The following OPCML variants were observed in gnomAD, a reference collection of about 807,000 sequenced individuals.
OPCML encodes the protein opioid binding protein/cell adhesion molecule like.
A neutral mutation model predicts 37.8 loss-of-function variants in OPCML; 13 were observed. The observed-to-expected ratio is 0.34, with a 90% confidence interval of 0.22 to 0.55. The LOEUF is 0.55. OPCML is among the 20% of genes least tolerant of loss of function. OPCML has a pLI of 0.91. For synonymous variants in OPCML, 176 were observed against 168.8 expected (o/e 1.04, Z -0.33); for missense variants, 341 against 435.6 (o/e 0.78, Z 1.93).
At chr11:133,225,962 T>G (rs1843177636) in intron 1 of OPCML, among the ~76,000 whole-genome samples, 4 of 152,256 alleles carry the variant, frequency 2.6e-5, no homozygotes, top group African/African-American at 7.2e-5. Context: ...AACAGCCCTA[T>G]GAAGCACGTA....
intron 2 of OPCML, among the ~76,000 whole-genome samples, chr11:132,800,698 G>A (rs527314845): frequency 3.9e-4 from 59 of 152,240 alleles, no homozygotes; most frequent in South Asian, 4.1e-4. Flanking sequence ...TATTAAAATG[G>A]TGGATTACAT....
chr11:132,579,813 C>G (rs1281782260), intron 3 of OPCML, among the ~76,000 whole-genome samples: 1 of 152,090 alleles, frequency 6.6e-6, no homozygotes, highest in African/African-American at 2.4e-5. Flanking sequence ...CAACTTGACA[C>G]ATTAATATAG....
chr11:132,460,679 A>T (rs1326249504), intron 4 of OPCML, among the ~76,000 whole-genome samples: 2 of 152,212 alleles, frequency 1.3e-5, no homozygotes, highest in Non-Finnish European at 2.9e-5. Flanking sequence ...GAAGCAAATA[A>T]TCATGCACTT....
At chr11:133,501,292 C>T (rs59441202) in intron 1 of OPCML, among the ~76,000 whole-genome samples, 1,988 of 152,262 alleles carry the variant, frequency 0.013, 41 homozygotes, top group African/African-American at 0.045. Context: ...TAGGGACCCC[C>T]CCACGGTACA....
intron 4 of OPCML, among the ~76,000 whole-genome samples, chr11:132,450,596 A>G (rs372217297): frequency 6.6e-6 from 1 of 151,898 alleles, no homozygotes; most frequent in Admixed American, 6.6e-5. Context: ...TTTTTTTTCA[A>G]TTATAGAATA....
chr11:133,264,766 A>G (rs202160773), intron 1 of OPCML, among the ~76,000 whole-genome samples: 1 of 98,018 alleles, frequency 1.0e-5, no homozygotes, highest in African/African-American at 3.4e-5. Context: ...AGCGGTTTTT[A>G]ATAAAAAAAA....
chr11:132,514,865 C>T (rs1297548832), intron 4 of OPCML, among the ~76,000 whole-genome samples: 1 of 152,102 alleles, frequency 6.6e-6, no homozygotes, highest in African/African-American at 2.4e-5. Flanking sequence ...TGATGCCCTA[C>T]AAAAGTGGCT....
At chr11:132,908,129 A>G (rs1944306533) in intron 2 of OPCML, among the ~76,000 whole-genome samples, 1 of 152,234 alleles carries the variant, frequency 6.6e-6, no homozygotes, top group South Asian at 2.1e-4. Flanking sequence ...ACACAGGAGC[A>G]CAAGCGAGAG....
chr11:132,836,146 T>A (rs1940988154), intron 2 of OPCML, among the ~76,000 whole-genome samples: 1 of 152,216 alleles, frequency 6.6e-6, no homozygotes, highest in East Asian at 1.9e-4. Context: ...AACAGGGAAC[T>A]TAGGCAGACA....
chr11:133,217,162 T>C (rs1939618732), intron 1 of OPCML, among the ~76,000 whole-genome samples: 1 of 152,152 alleles, frequency 6.6e-6, no homozygotes, highest in African/African-American at 2.4e-5. Context: ...AGCAGCCCAC[T>C]CACACTAGAC....
chr11:132,435,296 GC>G, intron 7 of OPCML: 2 of 1,270,230 alleles, frequency 1.6e-6, no homozygotes, highest in Non-Finnish European at 2.1e-6. Context: ...AGTGCTGAAA[GC>G]TTGTGTCTGA....
intron 1 of OPCML, among the ~76,000 whole-genome samples, chr11:133,501,341 T>C (rs1300726146): frequency 1.3e-5 from 2 of 152,178 alleles, no homozygotes; most frequent in East Asian, 1.9e-4. Flanking sequence ...CATGACCTAA[T>C]CACACTGGCA....
Position 133,152,577 on chromosome 11 carries a change from C to T in OPCML, c.62-209567G>A, listed in dbSNP as rs970271293. On this transcript the variant is annotated intron_variant, in intron 1 of 7. Transcript: ENST00000524381. ...TAACCCCTTCCCTCCTGATCCCCCC[C>T]CAACCTCCACAGACTGGTCTGTTTT... 2.6e-5 allele frequency among the ~76,000 whole-genome samples: 4 copies of T among 151,910 alleles called. No individual in the cohort carries two copies. In the East Asian group the frequency reaches 7.7e-4, roughly 29 times the overall value.
intron 3 of OPCML, among the ~76,000 whole-genome samples, chr11:132,540,682 T>C (rs1468796061): frequency 6.6e-6 from 1 of 152,212 alleles, no homozygotes; most frequent in African/African-American, 2.4e-5. Context: ...CAAATGGTTC[T>C]GAATAACACA....
At chr11:132,689,632 G>A (rs992612592) in intron 2 of OPCML, among the ~76,000 whole-genome samples, 6 of 152,188 alleles carry the variant, frequency 3.9e-5, no homozygotes, top group Admixed American at 2.6e-4. Context: ...GAGACGAGGT[G>A]TCATGAGGCA....
At chr11:132,723,457 C>G (rs960339070) in intron 2 of OPCML, among the ~76,000 whole-genome samples, 2 of 152,140 alleles carry the variant, frequency 1.3e-5, no homozygotes, top group African/African-American at 4.8e-5. Flanking sequence ...CAATATATAC[C>G]TGCCTCTGAG....
intron 3 of OPCML, among the ~76,000 whole-genome samples, chr11:132,593,163 G>T (rs1051198033): frequency 2.0e-5 from 3 of 152,206 alleles, no homozygotes; most frequent in African/African-American, 7.2e-5. Flanking sequence ...AGGAGCCTGT[G>T]TGAAGGTCTG....
chr11:133,255,156 C>T (rs986673712), intron 1 of OPCML, among the ~76,000 whole-genome samples: 2 of 152,138 alleles, frequency 1.3e-5, no homozygotes, highest in African/African-American at 4.8e-5. Context: ...TTTCTCCTCA[C>T]TCTCCGGCCC....
At chr11:132,535,665 C>T (rs1201697292) in intron 3 of OPCML, among the ~76,000 whole-genome samples, 1 of 152,160 alleles carries the variant, frequency 6.6e-6, no homozygotes, top group African/African-American at 2.4e-5. Context: ...CCCTCAGGGC[C>T]AGACCCAGTG....
Sources: gnomAD v4.1 joint callset for allele counts (sites outside exome capture counted in the v4.1 genomes callset) on GRCh38, gnomAD v4.1.1 for gene constraint, MANE v1.5 for transcripts, NCBI Gene and HGNC (gene_info 2026-07-23, HGNC 2026-07-21) for gene names.